Variants in RORA observed in about 807,000 individuals in gnomAD.
RORA encodes nuclear receptor ROR-alpha.
A neutral mutation model predicts 69.5 loss-of-function variants in RORA; 7 were observed. The ratio of observed to expected loss-of-function variants is 0.10; its 90% CI spans 0.06 to 0.19. RORA has a LOEUF of 0.19. Among genes scored for constraint, RORA ranks in the 10% least tolerant of loss-of-function variants. The pLI, the probability that RORA is intolerant of heterozygous loss-of-function variation, is 1.00. For synonymous variants in RORA, 261 were observed against 240.8 expected (o/e 1.08, Z -0.78); for missense variants, 457 against 663.0 (o/e 0.69, Z 3.41).
intron 1 of RORA, among the ~76,000 whole-genome samples, chr15:60,896,294 C>T (rs1891229183): frequency 6.6e-6 from 1 of 152,244 alleles, no homozygotes; most frequent in Admixed American, 6.5e-5. Flanking sequence ...AAAGCTAACG[C>T]ATCTTAGACA....
In RORA at chr15:61,116,456, C is replaced by G. The variant is rs532227598; in HGVS notation, c.166+112597G>C. 2.6e-5 allele frequency among the ~76,000 whole-genome samples: 4 copies of G among 152,288 alleles called. No individual in the cohort carries two copies. In the South Asian group the frequency reaches 8.3e-4, roughly 32 times the overall value. On this transcript the variant is annotated intron_variant, in intron 1 of 10. Transcript: ENST00000335670. The stretch of plus-strand genomic sequence containing the variant: ...CCACATTTCCTCTTCCCCTAAGCAC[C>G]TCACAACATATTCACCTATCACCGG...
At chr15:60,991,182 C>G (rs1163748613) in intron 1 of RORA, among the ~76,000 whole-genome samples, 2 of 152,128 alleles carry the variant, frequency 1.3e-5, no homozygotes, top group African/African-American at 2.4e-5. Context: ...AACCAGGTGG[C>G]AAGAGAACAG....
chr15:61,126,494 C>T (rs1284696794), intron 1 of RORA, among the ~76,000 whole-genome samples: 1 of 152,202 alleles, frequency 6.6e-6, no homozygotes, highest in African/African-American at 2.4e-5. Flanking sequence ...CTTTGACCAA[C>T]ATCACTTCAT....
intron 2 of RORA, among the ~76,000 whole-genome samples, chr15:60,539,978 C>A (rs1162659220): frequency 6.6e-6 from 1 of 152,136 alleles, no homozygotes; most frequent in African/African-American, 2.4e-5. Context: ...TCTCTAGAAT[C>A]TCTCGGGGTG....
intron 1 of RORA, among the ~76,000 whole-genome samples, chr15:60,950,815 C>A (rs957490491): frequency 8.1e-6 from 1 of 123,506 alleles, no homozygotes; most frequent in Non-Finnish European, 1.7e-5. Flanking sequence ...TACAAAGAGA[C>A]TTAGACTCCC....
At chr15:60,790,919 T>C (rs1410269100) in intron 1 of RORA, among the ~76,000 whole-genome samples, 1 of 152,164 alleles carries the variant, frequency 6.6e-6, no homozygotes, top group Non-Finnish European at 1.5e-5. Context: ...ATGGTAACGT[T>C]TTTCTCTTCA....
chr15:60,645,948 T>TA (rs1371890869), intron 2 of RORA, among the ~76,000 whole-genome samples: 1 of 152,096 alleles, frequency 6.6e-6, no homozygotes, highest in East Asian at 1.9e-4. Context: ...AACAAATCAG[T>TA]AAAAAGCAGA....
intron 1 of RORA, among the ~76,000 whole-genome samples, chr15:61,125,586 A>C (rs1266632961): frequency 6.6e-6 from 1 of 152,182 alleles, no homozygotes; most frequent in East Asian, 1.9e-4. Context: ...CCTTTTTGCA[A>C]AAATTGGATT....
Position 60,511,424 on chromosome 15 carries a change from T to C in RORA, c.622A>G (p.Thr208Ala), listed in dbSNP as rs149178750. The change falls in exon 5 of 11, where the codon ACC (threonine) becomes GCC (alanine). Residue 208 changes from threonine to alanine, a missense_variant. By Grantham distance (58) the Thr-to-Ala change is moderately conservative (BLOSUM62 0). Transcript: ENST00000335670. This position sits in a 1 kb window ranked among gnomAD's most constrained non-coding sequence, Gnocchi z 6.4. The part of the protein sequence containing the change: ...DDLSNYIDGH[T>A]PEGSKADSAV... ...GAGTCTGCCTTACTCCCCTCAGGGG[T>C]GTGCCCGTCAATGTAGTTACTGAGG... 19 of 1,614,096 alleles carry C rather than the reference T, an allele frequency of 1.2e-5. No homozygotes were observed. The African/African-American group carries it at 1.5e-4, about 12-fold the overall frequency.
At chr15:60,988,002 G>A (rs182731642) in intron 1 of RORA, among the ~76,000 whole-genome samples, 2 of 152,144 alleles carry the variant, frequency 1.3e-5, no homozygotes, top group Non-Finnish European at 1.5e-5. Context: ...CCTTTTCTTC[G>A]TGGCAGCTTG....
chr15:60,983,835 C>T (rs1350839011), intron 1 of RORA, among the ~76,000 whole-genome samples: 1 of 152,168 alleles, frequency 6.6e-6, no homozygotes, highest in Non-Finnish European at 1.5e-5. Context: ...TGCAACCCAA[C>T]CACCTTGAGC....
intron 1 of RORA, among the ~76,000 whole-genome samples, chr15:61,046,602 T>C (rs1218169022): frequency 6.6e-6 from 1 of 152,212 alleles, no homozygotes; most frequent in Non-Finnish European, 1.5e-5. Context: ...CAGGTCCCTA[T>C]ACCAAGCAGC....
At chr15:61,022,322 A>T (rs1895568360) in intron 1 of RORA, among the ~76,000 whole-genome samples, 1 of 152,220 alleles carries the variant, frequency 6.6e-6, no homozygotes, top group South Asian at 2.1e-4. Flanking sequence ...TAATACAAAC[A>T]TGTTCATTAA....
At chr15:60,902,972 A>C (rs544904998) in intron 1 of RORA, among the ~76,000 whole-genome samples, 22 of 152,334 alleles carry the variant, frequency 1.4e-4, no homozygotes, top group African/African-American at 5.1e-4. Flanking sequence ...ACAATAAATA[A>C]AGTTGAAAAA....
intron 2 of RORA, among the ~76,000 whole-genome samples, chr15:60,572,358 T>C (rs951385142): frequency 1.3e-5 from 2 of 152,172 alleles, no homozygotes; most frequent in African/African-American, 4.8e-5. Flanking sequence ...ATCCCTCATA[T>C]TTGCAAAGCC....
intron 2 of RORA, among the ~76,000 whole-genome samples, chr15:60,596,956 GT>G (rs1489855217): frequency 6.6e-6 from 1 of 152,152 alleles, no homozygotes; most frequent in Non-Finnish European, 1.5e-5. Flanking sequence ...TGCTGACACT[GT>G]GATGGATAAT....
chr15:60,809,076 T>C (rs1220080737), intron 1 of RORA, among the ~76,000 whole-genome samples: 1 of 152,162 alleles, frequency 6.6e-6, no homozygotes, highest in Admixed American at 6.5e-5. Context: ...CAGGGTACAC[T>C]GCTCGGGTGA....
At chr15:61,086,431 G>A (rs966378225) in intron 1 of RORA, among the ~76,000 whole-genome samples, 1 of 152,226 alleles carries the variant, frequency 6.6e-6, no homozygotes, top group African/African-American at 2.4e-5. Flanking sequence ...TGAACTCAGA[G>A]TAATGTCACT....
chr15:60,832,953 G>A (rs373334603), intron 1 of RORA, among the ~76,000 whole-genome samples: 1 of 151,930 alleles, frequency 6.6e-6, no homozygotes, highest in East Asian at 1.9e-4. Flanking sequence ...CGCCCAGGCT[G>A]GAGTGCAGTG....
Sources: gnomAD v4.1 joint callset for allele counts (sites outside exome capture counted in the v4.1 genomes callset) on GRCh38, gnomAD v4.1.1 for gene constraint, Gnocchi (gnomAD v3.1) non-coding constraint, MANE v1.5 for transcripts, NCBI Gene and HGNC (gene_info 2026-07-23, HGNC 2026-07-21) for gene names.